The following FHIT variants were observed in gnomAD, a reference collection of about 807,000 sequenced individuals.
FHIT encodes the protein bis(5'-adenosyl)-triphosphatase.
In FHIT, 19 loss-of-function variants were observed where a neutral mutation model predicts 17.9. That is an observed-to-expected ratio of 1.06 (90% CI 0.74 to 1.56). The LOEUF (loss-of-function observed/expected upper bound fraction) is 1.56. FHIT is among the 40% of genes most tolerant of loss of function. The pLI is 0.00. For synonymous variants in FHIT, 81 were observed against 69.7 expected, an observed-to-expected ratio of 1.16 and a Z score of -0.81; for missense variants, 248 against 189.2, an observed-to-expected ratio of 1.31 and a Z score of -1.82.
At chr3:60,003,572 T>G (rs1575859661) in intron 7 of FHIT, among the ~76,000 whole-genome samples, 1 of 152,000 alleles carries the variant, frequency 6.6e-6, no homozygotes, top group Admixed American at 6.6e-5. Context: ...TGATGAAACC[T>G]CATCTCTATT....
intron 5 of FHIT, among the ~76,000 whole-genome samples, chr3:60,335,719 A>G: frequency 6.6e-6 from 1 of 152,242 alleles, no homozygotes; most frequent in East Asian, 1.9e-4. Context: ...TATTGACCAC[A>G]TTTTAAAATT....
At chr3:60,119,011 G>C (rs890049846) in intron 5 of FHIT, among the ~76,000 whole-genome samples, 12 of 147,402 alleles carry the variant, frequency 8.1e-5, no homozygotes, top group African/African-American at 3.0e-4. Flanking sequence ...ACAGAGGAAG[G>C]CTCCATCTCA....
At chr3:59,883,078 G>C (rs747065509) in intron 8 of FHIT, among the ~76,000 whole-genome samples, 2 of 152,042 alleles carry the variant, frequency 1.3e-5, no homozygotes, top group Non-Finnish European at 2.9e-5. Context: ...GTGAGAGCTG[G>C]TTTGTACCAG....
At chr3:61,116,213 G>T (rs2036294699) in intron 2 of FHIT, among the ~76,000 whole-genome samples, 1 of 151,980 alleles carries the variant, frequency 6.6e-6, no homozygotes, top group Non-Finnish European at 1.5e-5. Context: ...CTCTGTAAAT[G>T]TAAATGATTT....
Position 61,164,854 on chromosome 3 carries a change from G to T in FHIT, c.-164+35763C>A, listed in dbSNP as rs117982942. On this transcript the variant is annotated intron_variant, in intron 2 of 9. Transcript: ENST00000492590. ...ATTGTTGCCATCTTTATGTCTATGA[G>T]TACCCAACATTTAGCTCCCACTTAC... is the stretch of plus-strand genomic sequence containing the variant. Among the ~76,000 whole-genome samples the T allele has an allele frequency of 7.4e-4, 113 of 152,242 alleles. 2 individuals carry two copies. The East Asian group carries it at 0.02, about 27-fold the overall frequency.
chr3:60,238,539 C>A (rs565696449), intron 5 of FHIT, among the ~76,000 whole-genome samples: 1 of 147,522 alleles, frequency 6.8e-6, no homozygotes, highest in African/African-American at 2.5e-5. Flanking sequence ...AAGATTAAAA[C>A]ATTTCACTAT....
chr3:59,851,486 CTT>C (rs759819903), intron 8 of FHIT, among the ~76,000 whole-genome samples: 1 of 148,852 alleles, frequency 6.7e-6, no homozygotes, highest in South Asian at 2.2e-4. Flanking sequence ...AGTAACTTGT[CTT>C]AAGTTAAACA....
At chr3:60,375,136 A>G (rs908315761) in intron 5 of FHIT, among the ~76,000 whole-genome samples, 1 of 152,092 alleles carries the variant, frequency 6.6e-6, no homozygotes. Context: ...AAAACAAAAA[A>G]AACACTTTCA....
intron 5 of FHIT, among the ~76,000 whole-genome samples, chr3:60,362,518 G>A (rs1699946126): frequency 6.6e-6 from 1 of 152,132 alleles, no homozygotes; most frequent in South Asian, 2.1e-4. Context: ...TGTGCTTATT[G>A]TGGATAAGGA....
chr3:60,233,565 C>A (rs988826282), intron 5 of FHIT, among the ~76,000 whole-genome samples: 3 of 152,106 alleles, frequency 2.0e-5, no homozygotes, highest in Non-Finnish European at 4.4e-5. Flanking sequence ...ACCACTCTAC[C>A]TATTTTCTTT....
intron 8 of FHIT, among the ~76,000 whole-genome samples, chr3:59,841,157 A>G (rs1701520136): frequency 1.3e-5 from 2 of 152,150 alleles, no homozygotes; most frequent in Admixed American, 1.3e-4. Flanking sequence ...ATAAATGAAA[A>G]GGTCAGATGA....
At chr3:60,883,304 T>A (rs1705056624) in intron 3 of FHIT, among the ~76,000 whole-genome samples, 1 of 152,124 alleles carries the variant, frequency 6.6e-6, no homozygotes, top group Non-Finnish European at 1.5e-5. Flanking sequence ...AAAAACAATT[T>A]ACAGATTTGA....
intron 8 of FHIT, among the ~76,000 whole-genome samples, chr3:59,843,628 T>C (rs909783514): frequency 6.6e-6 from 1 of 152,232 alleles, no homozygotes; most frequent in African/African-American, 2.4e-5. Flanking sequence ...ACTTCTTTGG[T>C]TAAGCTAATT....
chr3:60,880,341 C>T lies in FHIT; in HGVS notation c.-110-58330G>A, dbSNP rs141572227. Reference sequence around the variant, plus strand: ...AGAGAAGTAAAAACAGGGAATTCATCACCACTAGAACAGTTTTACAAGAAA... The same window carrying T: ...AGAGAAGTAAAAACAGGGAATTCATTACCACTAGAACAGTTTTACAAGAAA... On this transcript the variant is annotated intron_variant, in intron 3 of 9. Coordinates refer to ENST00000492590, the MANE Select transcript of FHIT (RefSeq NM_002012.4). Among the ~76,000 whole-genome samples, 568 of 152,320 alleles carry T rather than the reference C, an allele frequency of 3.7e-3. 2 individuals carry two copies. Among genetic ancestry groups the T allele is most frequent in the Non-Finnish European group, 6.1e-3 (414 of 68,024 alleles).
At chr3:61,083,400 C>G (rs942709253) in intron 2 of FHIT, among the ~76,000 whole-genome samples, 1 of 152,152 alleles carries the variant, frequency 6.6e-6, no homozygotes, top group African/African-American at 2.4e-5. Flanking sequence ...ACCATCCTGG[C>G]TACCACGGTG....
At chr3:60,444,096 C>T (rs1329280641) in intron 5 of FHIT, among the ~76,000 whole-genome samples, 2 of 152,150 alleles carry the variant, frequency 1.3e-5, no homozygotes, top group African/African-American at 4.8e-5. Context: ...GAAAAAAATG[C>T]TTATCATCAC....
At chr3:60,976,122 T>C (rs1326176522) in intron 3 of FHIT, among the ~76,000 whole-genome samples, 1 of 137,710 alleles carries the variant, frequency 7.3e-6, no homozygotes, top group Non-Finnish European at 1.6e-5. Flanking sequence ...TTTTTTTTTT[T>C]TTGAGACGGA....
At chr3:59,879,611 C>T (rs546686416) in intron 8 of FHIT, among the ~76,000 whole-genome samples, 7 of 152,000 alleles carry the variant, frequency 4.6e-5, no homozygotes, top group Non-Finnish European at 8.8e-5. Context: ...CAAAAAAAAC[C>T]CACACAGCCC....
At chr3:61,059,731 T>C (rs1263926252) in intron 2 of FHIT, among the ~76,000 whole-genome samples, 2 of 152,216 alleles carry the variant, frequency 1.3e-5, no homozygotes, top group African/African-American at 2.4e-5. Flanking sequence ...ACTTTGCAGC[T>C]CTGCACTACA....
Sources: gnomAD v4.1 joint callset for allele counts (sites outside exome capture counted in the v4.1 genomes callset) on GRCh38, gnomAD v4.1.1 for gene constraint, MANE v1.5 for transcripts, NCBI Gene and HGNC (gene_info 2026-07-23, HGNC 2026-07-21) for gene names.